The following QPCTL variants were observed in gnomAD, a reference collection of about 807,000 sequenced individuals.
QPCTL encodes the protein glutaminyl-peptide cyclotransferase like, also known as glutaminyl-peptide cyclotransferase-like protein.
QPCTL carries 31 observed loss-of-function variants against 34.6 expected under a neutral mutation model. The observed-to-expected ratio is 0.90, with a 90% CI of 0.67 to 1.21. The LOEUF (loss-of-function observed/expected upper bound fraction) is 1.21, where lower values mean the gene tolerates loss of function less well. Among genes scored for constraint, QPCTL ranks in the 50% most tolerant of loss-of-function variants. The pLI, the probability that QPCTL is intolerant of heterozygous loss-of-function variation, is 0.00. For missense variants in QPCTL, 474 were observed against 507.8 expected (o/e 0.93, Z 0.64); for synonymous variants, 223 against 226.9 (o/e 0.98, Z 0.15).
chr19:45,700,916 G>GCACA (rs1967797969), intron 5 of QPCTL, among the ~76,000 whole-genome samples: 1 of 145,180 alleles, frequency 6.9e-6, no homozygotes, highest in Non-Finnish European at 1.5e-5. Context: ...CCGAGATTGT[G>GCACA]CTACTGCACT....
rs1460269429 is a variant in QPCTL at position 45,703,210 on chromosome 19, T to C, written c.*161T>C. The C allele has an allele frequency of 2.1e-6, 2 of 959,274 alleles. No homozygotes were observed. The highest frequency in any genetic ancestry group is 1.6e-5 in the African/African-American group (1 of 60,788). 59.4% of individuals were successfully genotyped at this position (959,274 alleles called of 1,614,324 possible). On this transcript the variant is annotated 3_prime_UTR_variant, in exon 7 of 7. Transcript: ENST00000012049. ...TGGAAGACCTTCTTTCTTTTGATTGTCTCAAGCTGCCACCCTTCAAGGACA... is the reference window on the plus strand; with the variant it reads ...TGGAAGACCTTCTTTCTTTTGATTGCCTCAAGCTGCCACCCTTCAAGGACA...
Position 45,703,133 on chromosome 19 carries a change from G to A in QPCTL, c.*84G>A, listed in dbSNP as rs1188293781. 7.2e-6 allele frequency: 11 copies of A among 1,526,668 alleles called. No homozygotes were observed. In the South Asian group the frequency reaches 1.0e-4, roughly 14 times the overall value. The allele number at this position is 1,526,668 out of a possible 1,614,324, so 94.6% of individuals were successfully genotyped here. The stretch of plus-strand genomic sequence containing the variant: ...GTGAAGCTCAGGCAGGATCTGCCTA[G>A]GGTGTGCTGGTTTGTCCTTTTCATA... On this transcript the variant is annotated 3_prime_UTR_variant, in exon 7 of 7. Coordinates refer to ENST00000012049, the MANE Select transcript of QPCTL (RefSeq NM_017659.4).
At chr19:45,702,031 C>A in intron 6 of QPCTL, 117 bp downstream of exon 6, 1 of 734,630 alleles carries the variant, frequency 1.4e-6, no homozygotes, top group Non-Finnish European at 2.3e-6. Context: ...CCTCTTTGTG[C>A]TTTGATTTAT....
Position 45,695,587 on chromosome 19 carries a change from C to T in QPCTL, c.502C>T (p.His168Tyr), listed in dbSNP as rs1483589909. 6.2e-7 allele frequency: 1 copy of T among 1,614,106 alleles called. No homozygotes were observed. The highest frequency in any genetic ancestry group is 8.5e-7 in the Non-Finnish European group (1 of 1,180,006). The change falls in exon 3 of 7, where the codon CAT (histidine) becomes TAT (tyrosine). Residue 168 changes from histidine (H) to tyrosine (Y), a missense_variant. By Grantham distance (83) the His-to-Tyr change is moderately conservative (BLOSUM62 2). Coordinates refer to ENST00000012049, the MANE Select transcript of QPCTL (RefSeq NM_017659.4). ...TGCCCGTCACCTCACCCTTGCCTGC[C>T]ATTATGACTCGAAGCTCTTCCCACC... ...RAARHLTLACHYDSKLFPPGS... is the reference protein window; with the variant it reads ...RAARHLTLACYYDSKLFPPGS...
chr19:45,701,950 C>G (rs779342518), intron 6 of QPCTL, 36 bp downstream of exon 6: 1 of 1,542,774 alleles, frequency 6.5e-7, no homozygotes, highest in South Asian at 1.1e-5. Context: ...GGTGGGTGTC[C>G]AAGGAAGCCA....
intron 5 of QPCTL, among the ~76,000 whole-genome samples, chr19:45,699,951 A>T (rs1967778525): frequency 6.7e-6 from 1 of 148,284 alleles, no homozygotes; most frequent in African/African-American, 2.5e-5. Context: ...AAAAAAAAAA[A>T]TTAGCCAGGC....
chr19:45,698,756 G>T, intron 4 of QPCTL, 45 bp from the exon 5 acceptor site: 1 of 1,613,412 alleles, frequency 6.2e-7, no homozygotes, highest in Non-Finnish European at 8.5e-7. Context: ...AGCAGGGCTG[G>T]CGTCATCCTG....
Position 45,701,688 on chromosome 19 carries a change from G to A in QPCTL, c.887-110G>A, listed in dbSNP as rs923185804. The A allele has an allele frequency of 7.7e-6, 6 of 777,562 alleles. No homozygotes were observed. In the Admixed American group the frequency reaches 1.2e-4, roughly 15 times the overall value. 48.2% of individuals were successfully genotyped at this position (777,562 alleles called of 1,614,324 possible). A position where few individuals can be genotyped will look rare whatever the true frequency, so the allele number is the denominator to read the frequency against. On this transcript the variant is annotated intron_variant, in intron 5 of 6. Coordinates refer to ENST00000012049, the MANE Select transcript of QPCTL (RefSeq NM_017659.4). The stretch of plus-strand genomic sequence containing the variant: ...GGAGTAACTGGCATTCACTCTTGTT[G>A]GGCTGACCAGGGCTTTGTCTCTGGG...
intron 3 of QPCTL, 199 bp from the exon 4 acceptor site, chr19:45,698,348 C>T (rs1355271881): frequency 3.3e-6 from 2 of 600,340 alleles, no homozygotes; most frequent in Non-Finnish European, 5.7e-6. Context: ...TTCCCCATGC[C>T]TGCTTTGTTA....
chr19:45,692,775 G>A lies in QPCTL; in HGVS notation c.72G>A (p.Pro24=). The change falls in exon 1 of 7, where the codon CCG becomes CCA. Residue 24 remains proline (P), a synonymous_variant. Transcript: ENST00000012049. ...GTGGCCTCATGGAGCCACTCTTGCC[G>A]CCGAAGCGCCGCCTGCTACCGCGGG... ...GERGLMEPLL[P]PKRRLLPRVR... is the part of the protein sequence containing the mutation. 1.3e-6 allele frequency: 2 copies of A among 1,588,412 alleles called. No individual in the cohort carries two copies. The highest frequency in any genetic ancestry group is 1.7e-6 in the Non-Finnish European group (2 of 1,167,390).
chr19:45,693,376 C>G (rs2302593), intron 1 of QPCTL, 37 bp from the exon 2 acceptor site: 750,433 of 1,572,710 alleles, frequency 0.48, 181,900 homozygotes, highest in Admixed American at 0.54. Context: ...GGGGGTTGCT[C>G]TCATTCTTCC....
In QPCTL at chr19:45,703,078, C is replaced by T. The variant is rs140498561; in HGVS notation, c.*29C>T. 1,051 of 1,613,612 alleles carry T rather than the reference C, an allele frequency of 6.5e-4. 4 individuals carry two copies. The African/African-American group carries it at 0.012, about 18-fold the overall frequency. ...GCTTGGCCAATGACTGTGGAGAGGA[C>T]TGTGAGAGAGAAGGTCCCAGCGGGG... is the stretch of plus-strand genomic sequence containing the variant. On this transcript the variant is annotated 3_prime_UTR_variant, in exon 7 of 7. Transcript: ENST00000012049.
chr19:45,699,478 ATC>A, intron 5 of QPCTL, among the ~76,000 whole-genome samples: 1 of 151,636 alleles, frequency 6.6e-6, no homozygotes, highest in East Asian at 1.9e-4. Context: ...ACAGAATGAG[ATC>A]CTGTCTCAAA....
At position 45,698,555 on chromosome 19, in the gene QPCTL, G is replaced by A. The variant is rs573847877; in HGVS notation, c.642G>A (p.Pro214=). ...CCCTGCTGCTCCCACAGGCAGCCCC[G>A]GTGACCCTGCAACTGCTCTTCTTGG... ...ELSRAKKQAA[P]VTLQLLFLDG... The change falls in exon 4 of 7, where the codon CCG becomes CCA. Residue 214 remains proline (P), a synonymous_variant. Transcript: ENST00000012049. 1.8e-5 allele frequency: 29 copies of A among 1,613,956 alleles called. No individual in the cohort carries two copies. The highest frequency in any genetic ancestry group is 4.0e-5 in the African/African-American group (3 of 75,046).
At chr19:45,696,844 C>T (rs2146127171) in intron 3 of QPCTL, among the ~76,000 whole-genome samples, 1 of 152,182 alleles carries the variant, frequency 6.6e-6, no homozygotes, top group Non-Finnish European at 1.5e-5. Context: ...CCTTCCCGGC[C>T]GGGCGTGGTA....
chr19:45,692,690 A>C lies in QPCTL; in HGVS notation c.-14A>C. 6.6e-7 allele frequency: 1 copy of C among 1,525,354 alleles called. No homozygotes were observed. Among genetic ancestry groups the C allele is most frequent in the Non-Finnish European group, 8.8e-7 (1 of 1,134,098 alleles). The allele number at this position is 1,525,354 out of a possible 1,614,324, so 94.5% of individuals were successfully genotyped here. A position where few individuals can be genotyped will look rare whatever the true frequency, so the allele number is the denominator to read the frequency against. On this transcript the variant is annotated 5_prime_UTR_variant, in exon 1 of 7. Coordinates refer to ENST00000012049, the MANE Select transcript of QPCTL (RefSeq NM_017659.4). ...CAATCCGTGGTCTGGTACAGGTTTCAGGGCAAAGCGGCCATGCGTTCCGGG... is the reference window on the plus strand; with the variant it reads ...CAATCCGTGGTCTGGTACAGGTTTCCGGGCAAAGCGGCCATGCGTTCCGGG...
At position 45,692,711 on chromosome 19, in the gene QPCTL, C is replaced by G; in HGVS notation, c.8C>G (p.Ser3Cys). The change falls in exon 1 of 7, where the codon TCC becomes TGC. Residue 3 changes from serine (S) to cysteine (C), a missense_variant. Transcript: ENST00000012049. MR[S>C]GGRGRPRLRL... The stretch of plus-strand genomic sequence containing the variant: ...TTTCAGGGCAAAGCGGCCATGCGTT[C>G]CGGGGGCCGCGGGCGACCCCGCCTG... 1.9e-6 allele frequency: 3 copies of G among 1,547,746 alleles called. No homozygotes were observed. Among genetic ancestry groups the G allele is most frequent in the Non-Finnish European group, 2.6e-6 (3 of 1,145,608 alleles).
In QPCTL at chr19:45,702,998, C is replaced by T; in HGVS notation, c.1098C>T (p.His366=). The change falls in exon 7 of 7, where the codon CAC becomes CAT. Residue 366 remains histidine, a synonymous_variant. Transcript: ENST00000012049. Reference sequence around the variant, plus strand: ...TCAATCTCCACCCACCCACGGTACACAACTTGTGCCGCATTCTCGCTGTGT... The same window carrying T: ...TCAATCTCCACCCACCCACGGTACATAACTTGTGCCGCATTCTCGCTGTGT... ...TEVNLHPPTV[H]NLCRILAVFL... 6.2e-7 allele frequency: 1 copy of T among 1,614,124 alleles called. No homozygotes were observed.
Position 45,698,660 on chromosome 19 carries a change from T to C in QPCTL, c.747T>C (p.Ser249=), listed in dbSNP as rs772131938. 27 of 1,614,016 alleles carry C rather than the reference T, an allele frequency of 1.7e-5. No homozygotes were observed. Among genetic ancestry groups the C allele is most frequent in the Non-Finnish European group, 3.4e-6 (4 of 1,180,014 alleles). Residue 249 remains serine (S), a synonymous_variant, in exon 4 of 7, where the codon TCT becomes TCC. Transcript: ENST00000012049. ...GGCACCTGGCCCAGCTCATGGAGTC[T>C]ATACCTCACAGCCCCGGCCCCACCA... The part of the protein sequence containing the change: ...GSRHLAQLME[S]IPHSPGPTRI...
Sources: allele counts gnomAD v4.1 joint callset (sites outside exome capture counted in the v4.1 genomes callset), GRCh38; gene constraint gnomAD v4.1.1; transcripts MANE v1.5; gene names NCBI Gene and HGNC (gene_info 2026-07-23, HGNC 2026-07-21).